The following RBPJ variants were observed in gnomAD, a reference collection of about 807,000 sequenced individuals.
RBPJ encodes the protein recombining binding protein suppressor of hairless.
Under a neutral mutation model 67.8 loss-of-function variants are expected in RBPJ, and 9 were observed. The ratio of observed to expected loss-of-function variants is 0.13; its 90% CI spans 0.08 to 0.23. The LOEUF is 0.23. Ranked by LOEUF, RBPJ falls within the 10% of genes least tolerant of loss-of-function variation. RBPJ has a pLI of 1.00. For missense variants in RBPJ, 305 were observed against 595.6 expected (o/e 0.51, Z 5.08); for synonymous variants, 198 against 203.3 (o/e 0.97, Z 0.22).
At chr4:26,376,172 T>G (rs1183748776) in intron 1 of RBPJ, among the ~76,000 whole-genome samples, 2 of 152,228 alleles carry the variant, frequency 1.3e-5, no homozygotes, top group Non-Finnish European at 2.9e-5. Flanking sequence ...TGCAGTCCAG[T>G]GACATTAAGT....
chr4:26,161,685 C>A (rs1423554300), upstream of RBPJ, among the ~76,000 whole-genome samples: 1 of 152,182 alleles, frequency 6.6e-6, no homozygotes, highest in African/African-American at 2.4e-5. Context: ...ATAACAGATA[C>A]AAAGGCAACA....
At chr4:26,373,149 T>G (rs1729339043) in intron 1 of RBPJ, among the ~76,000 whole-genome samples, 1 of 152,264 alleles carries the variant, frequency 6.6e-6, no homozygotes, top group South Asian at 2.1e-4. Context: ...CATTTCCTTT[T>G]TCATGTAATG....
chr4:26,215,387 G>A (rs1434490226), intron 1 of RBPJ, among the ~76,000 whole-genome samples: 1 of 38,332 alleles, frequency 2.6e-5, no homozygotes, highest in African/African-American at 1.9e-4. Context: ...GGGAGGGAGG[G>A]AGAGAGGAAG....
intron 1 of RBPJ, among the ~76,000 whole-genome samples, chr4:26,202,664 T>TG (rs1052246278): frequency 1.3e-5 from 2 of 151,992 alleles, no homozygotes; most frequent in Non-Finnish European, 2.9e-5. Context: ...CCCAGCACTT[T>TG]GGGGGGGCCA....
intron 1 of RBPJ, among the ~76,000 whole-genome samples, chr4:26,310,051 C>T (rs576024294): frequency 1.3e-3 from 204 of 152,262 alleles, no homozygotes; most frequent in African/African-American, 4.7e-3. Context: ...ACAAGCTAAG[C>T]AAAACTTAAC....
At chr4:26,226,535 A>T (rs1292034054) in intron 1 of RBPJ, among the ~76,000 whole-genome samples, 1 of 152,156 alleles carries the variant, frequency 6.6e-6, no homozygotes, top group African/African-American at 2.4e-5. Flanking sequence ...GGAATTAGAG[A>T]TGCTAACACC....
At chr4:26,216,534 G>A (rs965337965) in intron 1 of RBPJ, among the ~76,000 whole-genome samples, 3 of 152,138 alleles carry the variant, frequency 2.0e-5, no homozygotes, top group African/African-American at 7.2e-5. Context: ...GAGGGGTGGG[G>A]TTGGGCCAGG....
At chr4:26,292,430 T>C (rs968088297) in intron 1 of RBPJ, among the ~76,000 whole-genome samples, 3 of 150,282 alleles carry the variant, frequency 2.0e-5, no homozygotes, top group Non-Finnish European at 4.4e-5. Flanking sequence ...ATAATATATA[T>C]ATTTTTATGA....
intron 1 of RBPJ, among the ~76,000 whole-genome samples, chr4:26,298,436 C>T (rs987939478): frequency 5.3e-5 from 8 of 152,084 alleles, no homozygotes; most frequent in Non-Finnish European, 1.0e-4. Context: ...CACAAATAAT[C>T]AGTGTGTTTT....
upstream of RBPJ, among the ~76,000 whole-genome samples, chr4:26,320,261 A>G (rs531363812): frequency 1.3e-5 from 2 of 152,240 alleles, no homozygotes; most frequent in South Asian, 4.1e-4. Context: ...CGAGGTGGCC[A>G]TTAGGGGTGT....
At chr4:26,407,378 A>G (rs1180507104) in intron 3 of RBPJ, among the ~76,000 whole-genome samples, 3 of 152,236 alleles carry the variant, frequency 2.0e-5, no homozygotes. Flanking sequence ...TACTACTTGA[A>G]TGTGGACTCA....
chr4:26,110,548 T>G, the RBPJ span, among the ~76,000 whole-genome samples: 2 of 152,336 alleles, frequency 1.3e-5, no homozygotes, highest in South Asian at 4.1e-4. This position sits in a 1 kb window ranked among gnomAD's most constrained non-coding sequence, Gnocchi z 4.5. Flanking sequence ...CAACTGTCCT[T>G]TGCACATCCT....
intron 5 of RBPJ, among the ~76,000 whole-genome samples, chr4:26,423,376 T>TA (rs1735334664): frequency 1.3e-5 from 2 of 152,204 alleles, no homozygotes; most frequent in South Asian, 4.1e-4. Flanking sequence ...GGAGGATTCT[T>TA]ACTATATATA....
chr4:26,411,835 C>T (rs1046730251), intron 3 of RBPJ, among the ~76,000 whole-genome samples: 2 of 151,532 alleles, frequency 1.3e-5, no homozygotes, highest in Non-Finnish European at 2.9e-5. Flanking sequence ...GGGCCAGGCG[C>T]GGTGGCTCAC....
chr4:26,304,685 C>T (rs938681326), intron 1 of RBPJ, among the ~76,000 whole-genome samples: 2 of 151,950 alleles, frequency 1.3e-5, no homozygotes, highest in East Asian at 1.9e-4. Flanking sequence ...TTTAATTGAA[C>T]GATTTGTCTT....
At chr4:26,166,057 T>G (rs1346026538) in intron 1 of RBPJ, among the ~76,000 whole-genome samples, 11 of 150,700 alleles carry the variant, frequency 7.3e-5, no homozygotes, top group Non-Finnish European at 1.3e-4. Context: ...TCATCATTTT[T>G]TATGGCTGCA....
At chr4:26,393,988 C>A (rs893319188) in intron 2 of RBPJ, among the ~76,000 whole-genome samples, 1 of 150,892 alleles carries the variant, frequency 6.6e-6, no homozygotes, top group Non-Finnish European at 1.5e-5. Context: ...GATTAAGGCT[C>A]GTTAATAATA....
the RBPJ span, among the ~76,000 whole-genome samples, chr4:26,106,870 T>A: frequency 1.3e-5 from 2 of 152,106 alleles, no homozygotes; most frequent in Admixed American, 6.6e-5. Context: ...AGAGACTGAA[T>A]GAGGAGTGAG....
At chr4:26,172,160 G>A (rs568791460) in intron 1 of RBPJ, among the ~76,000 whole-genome samples, 6 of 152,302 alleles carry the variant, frequency 3.9e-5, no homozygotes, top group African/African-American at 1.4e-4. Flanking sequence ...TGTCTTGCCA[G>A]GTGGTAGCTC....
Sources: gnomAD v4.1 joint callset for allele counts (sites outside exome capture counted in the v4.1 genomes callset) on GRCh38, gnomAD v4.1.1 for gene constraint, Gnocchi (gnomAD v3.1) non-coding constraint, MANE v1.5 for transcripts, NCBI Gene and HGNC (gene_info 2026-07-23, HGNC 2026-07-21) for gene names.